The following BORCS5 variants were observed in gnomAD, a reference collection of about 807,000 sequenced individuals.
BORCS5 encodes the protein BLOC-1-related complex subunit 5.
In BORCS5, 17 loss-of-function variants were observed where a neutral mutation model predicts 22.1. The observed-to-expected ratio is 0.77, with a 90% CI of 0.53 to 1.15. The LOEUF (loss-of-function observed/expected upper bound fraction) is 1.15. Ranked by LOEUF, BORCS5 falls within the 50% of genes most tolerant of loss-of-function variation. The probability of loss-of-function intolerance (pLI) is 0.00; values close to 1 mark genes in which losing one functional copy is unlikely to be tolerated. For synonymous variants in BORCS5, 117 were observed against 99.8 expected, an observed-to-expected ratio of 1.17 and a Z score of -1.03; for missense variants, 247 against 253.2, an observed-to-expected ratio of 0.98 and a Z score of 0.17.
chr12:12,427,172 C>CTTTTCTT (rs1942307160), intron 2 of BORCS5, among the ~76,000 whole-genome samples: 1 of 84,488 alleles, frequency 1.2e-5, no homozygotes. Flanking sequence ...TCTTTCTTTT[C>CTTTTCTT]TTTTTTTTTT....
At chr12:12,391,648 A>G (rs1941189350) in intron 2 of BORCS5, among the ~76,000 whole-genome samples, 1 of 151,142 alleles carries the variant, frequency 6.6e-6, no homozygotes, top group African/African-American at 2.4e-5. Context: ...TTGGCCTCCG[A>G]AAGTGCTGGG....
chr12:12,394,316 ACT>A (rs202027626), intron 2 of BORCS5, among the ~76,000 whole-genome samples: 4,827 of 151,850 alleles, frequency 0.032, 306 homozygotes, highest in African/African-American at 0.11. Context: ...ACAGATTGAG[ACT>A]CTATCTCAAA....
intron 3 of BORCS5, among the ~76,000 whole-genome samples, chr12:12,452,763 A>C (rs536311708): frequency 6.6e-6 from 1 of 152,236 alleles, no homozygotes; most frequent in African/African-American, 2.4e-5. Context: ...CGTCCAGGAA[A>C]GATTCATACT....
intron 2 of BORCS5, among the ~76,000 whole-genome samples, chr12:12,414,708 C>A (rs1941876524): frequency 7.6e-6 from 1 of 131,940 alleles, no homozygotes; most frequent in African/African-American, 3.0e-5. Context: ...CACCTCCCTC[C>A]CGGATGGGGT....
rs753851252 is a variant in BORCS5 at position 12,465,567 on chromosome 12, C to T, written c.382C>T (p.Leu128=). 1.2e-6 allele frequency: 2 copies of T among 1,614,106 alleles called. No individual in the cohort carries two copies. The highest frequency in any genetic ancestry group is 1.3e-5 in the African/African-American group (1 of 74,952). ...IKEMDLSVET[L]FSFMQERQKR... ...ACAGATGGATCTGTCTGTAGAAACT[C>T]TGTTCAGCTTCATGCAGGAGCGCCA... The change falls in exon 4 of 4, where the codon CTG becomes TTG. Residue 128 remains leucine, a synonymous_variant. Coordinates refer to ENST00000314565, the MANE Select transcript of BORCS5 (RefSeq NM_058169.6).
chr12:12,424,936 C>T (rs1942241401), intron 2 of BORCS5, among the ~76,000 whole-genome samples: 1 of 152,176 alleles, frequency 6.6e-6, no homozygotes, highest in African/African-American at 2.4e-5. Flanking sequence ...ATGCTGCCCC[C>T]TTTAATCCTC....
intron 2 of BORCS5, among the ~76,000 whole-genome samples, chr12:12,366,179 G>C (rs1329002630): frequency 6.6e-6 from 1 of 152,148 alleles, no homozygotes; most frequent in Non-Finnish European, 1.5e-5. Context: ...GTACCCCCCA[G>C]GTTTGATTTC....
rs1482735781 is a variant in BORCS5 at position 12,469,956 on chromosome 12, A to C, written c.*4180A>C. ...TGGCATTATTGTTCACTAACTTACC[A>C]TAAATCAGGGGTCTCCAAACCCCAG... On this transcript the variant is annotated 3_prime_UTR_variant, in exon 4 of 4. Transcript: ENST00000314565. Among the ~76,000 whole-genome samples the C allele has an allele frequency of 6.6e-6, 1 of 152,098 alleles. No individual in the cohort carries two copies. Among genetic ancestry groups the C allele is most frequent in the Non-Finnish European group, 1.5e-5 (1 of 68,018 alleles).
At chr12:12,423,201 A>G (rs542588719) in intron 2 of BORCS5, among the ~76,000 whole-genome samples, 77 of 152,060 alleles carry the variant, frequency 5.1e-4, no homozygotes, top group Middle Eastern at 6.8e-3. Context: ...ACGGGGTCCC[A>G]CCGTGTTAGC....
intron 2 of BORCS5, among the ~76,000 whole-genome samples, chr12:12,414,839 G>A (rs796652979): frequency 0.17 from 24,269 of 144,256 alleles, 1,737 homozygotes; most frequent in African/African-American, 0.31. Context: ...CAGACGGGGC[G>A]GCCGGGCAGA....
chr12:12,358,973 C>T (rs905433336), intron 1 of BORCS5, among the ~76,000 whole-genome samples: 1 of 152,198 alleles, frequency 6.6e-6, no homozygotes, highest in Admixed American at 6.5e-5. Flanking sequence ...TATGGCATCC[C>T]TGGATTAACC....
intron 2 of BORCS5, among the ~76,000 whole-genome samples, chr12:12,366,253 C>G (rs374552681): frequency 1.3e-5 from 2 of 152,182 alleles, no homozygotes; most frequent in East Asian, 1.9e-4. Flanking sequence ...AAGTATTACA[C>G]AGAGTTCACT....
chr12:12,392,000 T>C (rs544693886), intron 2 of BORCS5, among the ~76,000 whole-genome samples: 4 of 60,208 alleles, frequency 6.6e-5, no homozygotes, highest in African/African-American at 2.0e-4. Context: ...GAGCCAAGAT[T>C]GCACCACAGC....
At chr12:12,459,186 G>A (rs895253747) in intron 3 of BORCS5, among the ~76,000 whole-genome samples, 25 of 151,818 alleles carry the variant, frequency 1.6e-4, no homozygotes, top group Admixed American at 1.4e-3. Context: ...ATGAGCCACC[G>A]CACCCGGCCT....
At chr12:12,427,472 G>A (rs986929232) in intron 2 of BORCS5, among the ~76,000 whole-genome samples, 7 of 152,112 alleles carry the variant, frequency 4.6e-5, no homozygotes, top group Non-Finnish European at 2.9e-5. Flanking sequence ...GAGCCACCGC[G>A]CCCGGCCAGA....
chr12:12,436,023 A>C, intron 3 of BORCS5: 1 of 427,856 alleles, frequency 2.3e-6, no homozygotes, highest in Non-Finnish European at 4.1e-6. Flanking sequence ...CAGTTTCCTC[A>C]TGTGAAAAAT....
intron 2 of BORCS5, among the ~76,000 whole-genome samples, chr12:12,424,087 C>T (rs191309619): frequency 1.3e-5 from 2 of 152,254 alleles, no homozygotes; most frequent in East Asian, 3.9e-4. Flanking sequence ...TCTCTTTCAT[C>T]AAATTTGGGA....
At chr12:12,453,249 A>G (rs1188901073) in intron 3 of BORCS5, among the ~76,000 whole-genome samples, 1 of 152,240 alleles carries the variant, frequency 6.6e-6, no homozygotes, top group Non-Finnish European at 1.5e-5. Flanking sequence ...TGCTGTCAGT[A>G]TGAGTCCATT....
intron 2 of BORCS5, among the ~76,000 whole-genome samples, chr12:12,413,703 G>A (rs1337800831): frequency 4.2e-5 from 5 of 118,906 alleles, no homozygotes; most frequent in African/African-American, 1.1e-4. Context: ...CTGGCCGGGC[G>A]GGGGGCTGAC....
Sources: gnomAD v4.1 joint callset for allele counts (sites outside exome capture counted in the v4.1 genomes callset) on GRCh38, gnomAD v4.1.1 for gene constraint, MANE v1.5 for transcripts, NCBI Gene and HGNC (gene_info 2026-07-23, HGNC 2026-07-21) for gene names.